The following LHFPL3 variants were observed in gnomAD, a reference collection of about 807,000 sequenced individuals.
LHFPL3 encodes the protein LHFPL tetraspan subfamily member 3 protein.
In LHFPL3, 5 loss-of-function variants were observed where a neutral mutation model predicts 19.3. That is an observed-to-expected ratio of 0.26 (90% confidence interval 0.14 to 0.54). LHFPL3 has a LOEUF of 0.54. Ranked by LOEUF, LHFPL3 falls within the 20% of genes least tolerant of loss-of-function variation. The pLI is 0.94. For missense variants in LHFPL3, 249 were observed against 307.4 expected (o/e 0.81, Z 1.42); for synonymous variants, 133 against 126.2 (o/e 1.05, Z -0.36).
chr7:104,698,625 G>A (rs1179377044), intron 1 of LHFPL3, among the ~76,000 whole-genome samples: 1 of 152,214 alleles, frequency 6.6e-6, no homozygotes, highest in Non-Finnish European at 1.5e-5. Flanking sequence ...GATGTTTACA[G>A]CAGTTGTATT....
At chr7:104,733,755 C>T (rs1307225166) in intron 1 of LHFPL3, among the ~76,000 whole-genome samples, 1 of 152,302 alleles carries the variant, frequency 6.6e-6, no homozygotes, top group East Asian at 1.9e-4. Flanking sequence ...TGAATTTGAT[C>T]CTGTCATTAT....
At position 104,574,415 on chromosome 7, in the gene LHFPL3, T is replaced by C. The variant is rs116034664; in HGVS notation, c.446-162260T>C. Among the ~76,000 whole-genome samples the C allele has an allele frequency of 2.5e-3, 381 of 152,314 alleles. 1 individual carries two copies. The highest frequency in any genetic ancestry group is 8.6e-3 in the African/African-American group (359 of 41,568). On this transcript the variant is annotated intron_variant, in intron 1 of 2. Coordinates refer to ENST00000424859, the MANE Select transcript of LHFPL3 (RefSeq NM_199000.3). ...ATTACTAATTTTTAGAGAAGTAGAA[T>C]AGAGGGGCTTATTCAGAAAGCCCTT...
chr7:104,784,686 A>T (rs1256382578), intron 2 of LHFPL3, among the ~76,000 whole-genome samples: 4 of 152,264 alleles, frequency 2.6e-5, no homozygotes, highest in Non-Finnish European at 5.9e-5. Flanking sequence ...CACAATAGCC[A>T]GGAGGTAGAA....
intron 1 of LHFPL3, among the ~76,000 whole-genome samples, chr7:104,346,040 CTT>C (rs35726797): frequency 7.2e-4 from 101 of 140,404 alleles, no homozygotes; most frequent in Middle Eastern, 3.8e-3. Context: ...TTTATTCCTT[CTT>C]TTTTTTTTTT....
intron 1 of LHFPL3, among the ~76,000 whole-genome samples, chr7:104,496,124 C>A (rs1456338870): frequency 6.6e-6 from 1 of 152,162 alleles, no homozygotes; most frequent in African/African-American, 2.4e-5. Context: ...CCTCCTTCCC[C>A]CCACCCCACA....
At chr7:104,590,795 T>C (rs1324179035) in intron 1 of LHFPL3, among the ~76,000 whole-genome samples, 1 of 152,222 alleles carries the variant, frequency 6.6e-6, no homozygotes, top group Non-Finnish European at 1.5e-5. Context: ...ATCTGGGTGC[T>C]CTTGTATTGG....
chr7:104,755,742 C>A (rs939914388), intron 2 of LHFPL3, among the ~76,000 whole-genome samples: 1 of 152,186 alleles, frequency 6.6e-6, no homozygotes, highest in Non-Finnish European at 1.5e-5. Flanking sequence ...GTTGCCCAGG[C>A]TGGAGTGCAA....
intron 1 of LHFPL3, among the ~76,000 whole-genome samples, chr7:104,353,053 CA>C (rs1790209155): frequency 6.6e-6 from 1 of 152,152 alleles, no homozygotes; most frequent in African/African-American, 2.4e-5. Context: ...CCAGAGGCTC[CA>C]AAGGGGTTAA....
chr7:104,852,481 C>A (rs140322796), intron 2 of LHFPL3, among the ~76,000 whole-genome samples: 9 of 152,364 alleles, frequency 5.9e-5, no homozygotes, highest in African/African-American at 1.9e-4. Context: ...CTTCACAGAG[C>A]TGTCCTGGTT....
chr7:104,733,508 T>G (rs891943339), intron 1 of LHFPL3, among the ~76,000 whole-genome samples: 1 of 152,096 alleles, frequency 6.6e-6, no homozygotes, highest in Non-Finnish European at 1.5e-5. Flanking sequence ...ATCTTTGTTG[T>G]TTTAAAGTCT....
rs569040338 is a variant in LHFPL3 at position 104,390,609 on chromosome 7, G to C, written c.445+61385G>C. On this transcript the variant is annotated intron_variant, in intron 1 of 2. Coordinates refer to ENST00000424859, the MANE Select transcript of LHFPL3 (RefSeq NM_199000.3). ...TGGTGGACATTTGGGTTGGTTCCAA[G>C]TCTTTGCTATTGTGAATAGTGCCAC... Among the ~76,000 whole-genome samples the C allele has an allele frequency of 7.7e-4, 118 of 152,304 alleles. 1 individual carries two copies. Among genetic ancestry groups the C allele is most frequent in the Non-Finnish European group, 1.2e-3 (82 of 68,028 alleles).
intron 1 of LHFPL3, among the ~76,000 whole-genome samples, chr7:104,493,144 A>G (rs2115699913): frequency 6.6e-6 from 1 of 152,240 alleles, no homozygotes; most frequent in South Asian, 2.1e-4. Flanking sequence ...AAAGGTTGCT[A>G]ATTACCTCTT....
At chr7:104,665,225 C>T (rs1792308991) in intron 1 of LHFPL3, among the ~76,000 whole-genome samples, 1 of 151,066 alleles carries the variant, frequency 6.6e-6, no homozygotes, top group Non-Finnish European at 1.5e-5. Flanking sequence ...ACAAATGTAG[C>T]ATCTACTAGA....
chr7:104,338,334 C>T (rs6979318), intron 1 of LHFPL3, among the ~76,000 whole-genome samples: 22,211 of 151,882 alleles, frequency 0.15, 2,753 homozygotes, highest in African/African-American at 0.34. Context: ...CTCCTGACCT[C>T]GTGATCTGCC....
At chr7:104,449,607 A>C (rs1318444620) in intron 1 of LHFPL3, among the ~76,000 whole-genome samples, 1 of 152,176 alleles carries the variant, frequency 6.6e-6, no homozygotes, top group Non-Finnish European at 1.5e-5. Flanking sequence ...ATGAATTAAT[A>C]GTGGCTTATA....
chr7:104,692,453 G>A (rs935493716), intron 1 of LHFPL3, among the ~76,000 whole-genome samples: 4 of 152,218 alleles, frequency 2.6e-5, no homozygotes, highest in African/African-American at 4.8e-5. Context: ...TGTTTCATGG[G>A]CTGGGCCCAG....
chr7:104,781,817 T>G (rs2116424967), intron 2 of LHFPL3, among the ~76,000 whole-genome samples: 1 of 152,318 alleles, frequency 6.6e-6, no homozygotes, highest in Non-Finnish European at 1.5e-5. Flanking sequence ...CTTGAAGTAC[T>G]CCTTTCTTTT....
intron 2 of LHFPL3, among the ~76,000 whole-genome samples, chr7:104,844,210 T>C (rs1197138472): frequency 6.6e-6 from 1 of 152,202 alleles, no homozygotes; most frequent in Non-Finnish European, 1.5e-5. Context: ...CAGTTGGTAT[T>C]TACACCACCA....
At chr7:104,338,864 C>T (rs1017824422) in intron 1 of LHFPL3, among the ~76,000 whole-genome samples, 2 of 152,168 alleles carry the variant, frequency 1.3e-5, no homozygotes, top group African/African-American at 4.8e-5. Flanking sequence ...AGTATTTAAC[C>T]TTGTGTCAAG....
Sources: allele counts gnomAD v4.1 joint callset (sites outside exome capture counted in the v4.1 genomes callset), GRCh38; gene constraint gnomAD v4.1.1; transcripts MANE v1.5; gene names NCBI Gene and HGNC (gene_info 2026-07-23, HGNC 2026-07-21).